The following THSD4 variants were observed in gnomAD, a reference collection of about 807,000 sequenced individuals.
The protein encoded by THSD4 is thrombospondin type 1 domain containing 4, also known as thrombospondin type-1 domain-containing protein 4.
In THSD4, 69 loss-of-function variants were observed where a neutral mutation model predicts 119.0. The ratio of observed to expected loss-of-function variants is 0.58; its 90% CI spans 0.48 to 0.71. The LOEUF is 0.71. Among genes scored for constraint, THSD4 ranks in the 30% least tolerant of loss-of-function variants. The pLI is 0.00. For synonymous variants in THSD4, 524 were observed against 540.4 expected (o/e 0.97, Z 0.42); for missense variants, 1,393 against 1,391.1 (o/e 1.00, Z -0.02).
chr15:71,563,897 C>G (rs867751318), intron 7 of THSD4, among the ~76,000 whole-genome samples: 1 of 152,024 alleles, frequency 6.6e-6, no homozygotes, highest in Non-Finnish European at 1.5e-5. Context: ...ATGTGCTGCT[C>G]ATACATTTGA....
At chr15:71,619,387 T>A (rs978906772) in intron 7 of THSD4, among the ~76,000 whole-genome samples, 1 of 152,208 alleles carries the variant, frequency 6.6e-6, no homozygotes, top group Admixed American at 6.5e-5. Flanking sequence ...CAGAAAGGTT[T>A]CTCTGCGGAC....
At chr15:71,301,129 T>C (rs2044942686) in intron 6 of THSD4, among the ~76,000 whole-genome samples, 1 of 152,206 alleles carries the variant, frequency 6.6e-6, no homozygotes. Context: ...TTTTCTGTTG[T>C]TGTTTGTTGT....
chr15:71,361,441 G>A (rs185425019), intron 6 of THSD4, among the ~76,000 whole-genome samples: 1 of 152,200 alleles, frequency 6.6e-6, no homozygotes, highest in East Asian at 1.9e-4. Flanking sequence ...TTCATTATGA[G>A]GAAGGTGTAA....
At chr15:71,450,701 G>A (rs2047251648) in intron 7 of THSD4, among the ~76,000 whole-genome samples, 1 of 152,172 alleles carries the variant, frequency 6.6e-6, no homozygotes, top group South Asian at 2.1e-4. Context: ...GGGAAATGTG[G>A]CTTGCCCCTC....
At chr15:71,174,092 A>G (rs1016592255) in intron 3 of THSD4, among the ~76,000 whole-genome samples, 2 of 152,220 alleles carry the variant, frequency 1.3e-5, no homozygotes, top group Admixed American at 1.3e-4. Flanking sequence ...ACTGGACTTC[A>G]TGAAAATTAA....
chr15:71,516,008 G>C (rs1196680749), intron 7 of THSD4, among the ~76,000 whole-genome samples: 1 of 152,148 alleles, frequency 6.6e-6, no homozygotes, highest in Non-Finnish European at 1.5e-5. Flanking sequence ...TTTTATAATA[G>C]AGCACTTATC....
intron 8 of THSD4, among the ~76,000 whole-genome samples, chr15:71,723,649 C>CAAACTGAATT (rs1269983089): frequency 2.0e-5 from 3 of 152,268 alleles, no homozygotes; most frequent in Admixed American, 2.0e-4. Flanking sequence ...AGTGTATGGA[C>CAAACTGAATT]AAACTGAATT....
chr15:71,617,841 T>TG (rs1391443566), intron 7 of THSD4, among the ~76,000 whole-genome samples: 4 of 152,324 alleles, frequency 2.6e-5, no homozygotes, highest in Admixed American at 6.5e-5. Flanking sequence ...TACTAACATT[T>TG]GGGGGAGCAA....
At chr15:71,544,660 T>A (rs2048810095) in intron 7 of THSD4, among the ~76,000 whole-genome samples, 1 of 152,202 alleles carries the variant, frequency 6.6e-6, no homozygotes, top group African/African-American at 2.4e-5. Context: ...CCTAGATATA[T>A]ATCTAAAAGA....
intron 8 of THSD4, among the ~76,000 whole-genome samples, chr15:71,669,100 G>A (rs909191791): frequency 4.6e-5 from 7 of 152,198 alleles, no homozygotes; most frequent in African/African-American, 1.2e-4. Context: ...CTCCAAAGTC[G>A]TGCCAATTTA....
intron 1 of THSD4, among the ~76,000 whole-genome samples, chr15:71,107,345 G>A (rs987666493): frequency 9.1e-5 from 13 of 142,456 alleles, no homozygotes; most frequent in African/African-American, 3.1e-4. Context: ...AAGAAGGAAA[G>A]AAAAGAAAGA....
intron 14 of THSD4, 36 bp from the exon 15 acceptor site, chr15:71,757,866 G>A: frequency 6.2e-7 from 1 of 1,608,664 alleles, no homozygotes; most frequent in Non-Finnish European, 8.5e-7. Context: ...AGCTGCCAGG[G>A]CCTCCTGACT....
chr15:71,551,003 T>C (rs911835857), intron 7 of THSD4, among the ~76,000 whole-genome samples: 5 of 152,224 alleles, frequency 3.3e-5, no homozygotes, highest in Non-Finnish European at 5.9e-5. Flanking sequence ...TCTAAGACTT[T>C]TTATCATATA....
chr15:71,701,380 G>T (rs2052285501), intron 8 of THSD4, among the ~76,000 whole-genome samples: 1 of 152,116 alleles, frequency 6.6e-6, no homozygotes, highest in Non-Finnish European at 1.5e-5. Context: ...GGGGTAGGGA[G>T]CTGGGGGAGA....
At chr15:71,210,669 A>C (rs991821430) in intron 3 of THSD4, among the ~76,000 whole-genome samples, 2 of 152,138 alleles carry the variant, frequency 1.3e-5, no homozygotes, top group Non-Finnish European at 2.9e-5. Context: ...GTGATTTTTT[A>C]ATGTTTCAAC....
Position 71,780,755 on chromosome 15 carries a change from G to A in THSD4, c.*3381G>A, listed in dbSNP as rs1458104501. ...CTCTCTGGCCCAGAGTTCTTGGAGG[G>A]TTTTTTCTTTATTTTCTTATGTACT... On this transcript the variant is annotated 3_prime_UTR_variant, in exon 18 of 18. Transcript: ENST00000261862. The A allele has an allele frequency of 2.2e-6, 1 of 454,582 alleles. No individual in the cohort carries two copies. The highest frequency in any genetic ancestry group is 4.4e-6 in the Non-Finnish European group (1 of 226,260). 28.2% of individuals were successfully genotyped at this position (454,582 alleles called of 1,614,324 possible). A position where few individuals can be genotyped will look rare whatever the true frequency, so the allele number is the denominator to read the frequency against.
At chr15:71,441,624 A>G (rs888998387) in intron 7 of THSD4, among the ~76,000 whole-genome samples, 3 of 151,566 alleles carry the variant, frequency 2.0e-5, no homozygotes, top group Non-Finnish European at 4.4e-5. Context: ...CGAACTGCTG[A>G]CCTCGTAATC....
rs2045725817 is a variant in THSD4 at position 71,350,175 on chromosome 15, C to T, written c.1016-61512C>T. On this transcript the variant is annotated intron_variant, in intron 6 of 17. Transcript: ENST00000261862. ...AAAAAAAAAAAATGAACATTGATGC[C>T]AAAAACAAGGTGGGATATATTAATG... is the stretch of plus-strand genomic sequence containing the variant. Among the ~76,000 whole-genome samples the T allele has an allele frequency of 3.4e-5, 5 of 147,520 alleles. No individual in the cohort carries two copies. In the South Asian group the frequency reaches 1.1e-3, roughly 32 times the overall value.
At chr15:71,756,669 T>C (rs967413264) in intron 14 of THSD4, among the ~76,000 whole-genome samples, 5 of 152,130 alleles carry the variant, frequency 3.3e-5, no homozygotes, top group Non-Finnish European at 5.9e-5. Context: ...CTGGAGCTAC[T>C]CAGGAGGCTG....
Sources: gnomAD v4.1 joint callset for allele counts (sites outside exome capture counted in the v4.1 genomes callset) on GRCh38, gnomAD v4.1.1 for gene constraint, MANE v1.5 for transcripts, NCBI Gene and HGNC (gene_info 2026-07-23, HGNC 2026-07-21) for gene names.